The following DDO variants were observed in gnomAD, a reference collection of about 807,000 sequenced individuals.
The protein encoded by DDO is D-aspartate oxidase, DDO.
DDO carries 16 observed loss-of-function variants against 16.8 expected under a neutral mutation model. That is an observed-to-expected ratio of 0.95 (90% CI 0.65 to 1.45). The LOEUF is 1.45. Among genes scored for constraint, DDO ranks in the 40% most tolerant of loss-of-function variants. The pLI, the probability that DDO is intolerant of heterozygous loss-of-function variation, is 0.00. For missense variants in DDO, 429 were observed against 420.3 expected (o/e 1.02, Z -0.18); for synonymous variants, 180 against 167.2 (o/e 1.08, Z -0.59).
chr6:110,388,769 T>C, downstream of DDO: 6 of 982,030 alleles, frequency 6.1e-6, no homozygotes, highest in Non-Finnish European at 7.3e-6. Flanking sequence ...GCCAGACACT[T>C]GAAAGCAGAG....
chr6:110,414,190 G>C (rs948581838), intron 1 of DDO, among the ~76,000 whole-genome samples: 2 of 152,170 alleles, frequency 1.3e-5, no homozygotes, highest in African/African-American at 4.8e-5. Context: ...TGAGGGGCAT[G>C]ACCCATGAGC....
At chr6:110,396,831 A>T (rs1484611334) in intron 4 of DDO, among the ~76,000 whole-genome samples, 4 of 152,242 alleles carry the variant, frequency 2.6e-5, no homozygotes, top group Non-Finnish European at 4.4e-5. Flanking sequence ...AGCTTAAATT[A>T]TGTTCTTAAA....
chr6:110,393,241 C>T lies in DDO; in HGVS notation c.560G>A (p.Ser187Asn). Residue 187 changes from serine (S) to asparagine (N), a missense_variant, in exon 5 of 5, where the codon AGC becomes AAC. Physicochemically the swap from Ser to Asn is conservative, Grantham distance 46. Coordinates refer to ENST00000368924, the MANE Select transcript of DDO (RefSeq NM_001372108.2). ...CTTTGAGTCTCCTGCAAGCTGTCTG[C>T]TTCCAAGGCCTGAACAGTTGACCAC... Reference protein sequence around the residue: ...DIVVNCSGLGSRQLAGDSKIF... With the variant: ...DIVVNCSGLGNRQLAGDSKIF... 6.2e-7 allele frequency: 1 copy of T among 1,614,196 alleles called. No homozygotes were observed. The highest frequency in any genetic ancestry group is 2.2e-5 in the East Asian group (1 of 44,884).
At chr6:110,413,106 C>T (rs1167728713) in intron 2 of DDO, among the ~76,000 whole-genome samples, 185 bp downstream of exon 2, 2 of 151,990 alleles carry the variant, frequency 1.3e-5, no homozygotes, top group African/African-American at 4.8e-5. Context: ...TTGCACCACT[C>T]CACTTTAGCC....
chr6:110,404,756 G>A lies in DDO; in HGVS notation c.458+18C>T, dbSNP rs1773589917. The A allele has an allele frequency of 6.2e-7, 1 of 1,612,520 alleles. No homozygotes were observed. On this transcript the variant is annotated intron_variant, in intron 4 of 4. Transcript: ENST00000368924. The stretch of plus-strand genomic sequence containing the variant: ...GGCTATGACAGATAAGGAAATATCA[G>A]GGAGCATTTCAACTGACCTTTTCTC...
chr6:110,389,458 A>C (rs1773065703), downstream of DDO, among the ~76,000 whole-genome samples: 1 of 152,256 alleles, frequency 6.6e-6, no homozygotes, highest in African/African-American at 2.4e-5. Flanking sequence ...TCAAATGAGA[A>C]ATGCAAAGGC....
At chr6:110,412,747 G>C (rs1335143864) in intron 2 of DDO, among the ~76,000 whole-genome samples, 2 of 152,242 alleles carry the variant, frequency 1.3e-5, no homozygotes, top group Non-Finnish European at 2.9e-5. Context: ...TCCACATGTA[G>C]TGTGAGCAAG....
chr6:110,413,510 T>C (rs765159928), intron 1 of DDO, 44 bp from the exon 2 acceptor site: 9 of 1,587,048 alleles, frequency 5.7e-6, no homozygotes, highest in Non-Finnish European at 6.9e-6. Flanking sequence ...TTTTAAGGAT[T>C]TTCCCATCCA....
rs758675079 is a variant in DDO at position 110,404,789 on chromosome 6, G to A, written c.443C>T (p.Pro148Leu). 9 of 1,613,902 alleles carry A rather than the reference G, an allele frequency of 5.6e-6. No individual in the cohort carries two copies. Among genetic ancestry groups the A allele is most frequent in the East Asian group, 4.5e-5 (2 of 44,894 alleles). Residue 148 changes from proline to leucine, a missense_variant, in exon 4 of 5, where the codon CCG becomes CTG. Transcript: ENST00000368924. Reference sequence around the variant, plus strand: ...TTCAACTGACCTTTTCTCCAACCACGGGAGGTAGGCAGGGCATTCACATTT... The same window carrying A: ...TTCAACTGACCTTTTCTCCAACCACAGGAGGTAGGCAGGGCATTCACATTT... ...TLKCECPAYL[P>L]WLEKRIKGSG...
At chr6:110,405,286 C>A (rs1773616174) in intron 3 of DDO, among the ~76,000 whole-genome samples, 1 of 152,220 alleles carries the variant, frequency 6.6e-6, no homozygotes, top group Non-Finnish European at 1.5e-5. Flanking sequence ...GATCCACCCA[C>A]CTTGGCCTCC....
chr6:110,404,688 A>G, intron 4 of DDO, 86 bp downstream of exon 4: 4 of 1,451,496 alleles, frequency 2.8e-6, no homozygotes, highest in South Asian at 1.3e-5. Context: ...GATGCCAGAG[A>G]CTTTTCAGTA....
intron 4 of DDO, among the ~76,000 whole-genome samples, chr6:110,394,868 T>A (rs763628637): frequency 3.3e-5 from 5 of 152,178 alleles, no homozygotes; most frequent in Non-Finnish European, 5.9e-5. Context: ...CTTTGAACAG[T>A]CGTCAATCAC....
intron 3 of DDO, 85 bp from the exon 4 acceptor site, chr6:110,405,035 A>ATCTAT: frequency 7.9e-7 from 1 of 1,273,330 alleles, no homozygotes. Flanking sequence ...TCTCTAGAGC[A>ATCTAT]TTTATTTTAT....
Position 110,413,418 on chromosome 6 carries a change from C to A in DDO, c.45G>T (p.Gly15=). The A allele has an allele frequency of 2.5e-6, 4 of 1,613,962 alleles. No homozygotes were observed. The highest frequency in any genetic ancestry group is 2.5e-6 in the Non-Finnish European group (3 of 1,180,010). ...RIAVVGAGVV[G]LSTAVCISKL... ...TGGAGATGCACACAGCCGTGGAGAG[C>A]CCCACCACACCTGCCCCGACAACTG... is the stretch of plus-strand genomic sequence containing the variant. The change falls in exon 2 of 5, where the codon GGG becomes GGT. Residue 15 remains glycine (G), a synonymous_variant. Coordinates refer to ENST00000368924, the MANE Select transcript of DDO (RefSeq NM_001372108.2).
chr6:110,404,952 T>C lies in DDO; in HGVS notation c.282-2A>G. On this transcript the variant is annotated splice_acceptor_variant, in intron 3 of 4. Transcript: ENST00000368924. LOFTEE classifies it high-confidence loss of function. ...GGAGTGCTCTGAAATATCTGCCAACTCAAACGTATTAAGTGAACATTTTTT... is the reference window on the plus strand; with the variant it reads ...GGAGTGCTCTGAAATATCTGCCAACCCAAACGTATTAAGTGAACATTTTTT... 2 of 1,613,848 alleles carry C rather than the reference T, an allele frequency of 1.2e-6. No homozygotes were observed. The highest frequency in any genetic ancestry group is 1.7e-6 in the Non-Finnish European group (2 of 1,179,852).
chr6:110,391,335 C>A (rs1269993403), downstream of DDO, among the ~76,000 whole-genome samples: 1 of 148,460 alleles, frequency 6.7e-6, no homozygotes, highest in Non-Finnish European at 1.5e-5. Flanking sequence ...AAAATTAAAT[C>A]CATTTCTCCT....
intron 3 of DDO, among the ~76,000 whole-genome samples, chr6:110,407,342 T>A (rs1773692452): frequency 1.3e-5 from 2 of 152,128 alleles, no homozygotes; most frequent in Admixed American, 6.5e-5. Flanking sequence ...ATCCATAGAT[T>A]GATAGGAAAG....
downstream of DDO, chr6:110,388,937 G>T: frequency 2.4e-6 from 1 of 412,536 alleles, no homozygotes; most frequent in Non-Finnish European, 3.3e-6. Context: ...AATCTTTGAA[G>T]TAAATGAAGA....
chr6:110,411,456 A>G (rs796077121), intron 2 of DDO, among the ~76,000 whole-genome samples: 58 of 152,360 alleles, frequency 3.8e-4, no homozygotes, highest in African/African-American at 1.3e-3. Context: ...AAAAACTGTT[A>G]TTAGTATCTT....
Sources: gnomAD v4.1 joint callset for allele counts (sites outside exome capture counted in the v4.1 genomes callset) on GRCh38, gnomAD v4.1.1 for gene constraint, MANE v1.5 for transcripts, NCBI Gene and HGNC (gene_info 2026-07-23, HGNC 2026-07-21) for gene names.